Variants in CNTNAP5 observed in about 807,000 individuals in gnomAD.
CNTNAP5 encodes contactin-associated protein-like 5.
Under a neutral mutation model 150.2 loss-of-function variants are expected in CNTNAP5, and 72 were observed. That is an observed-to-expected ratio of 0.48 (90% CI 0.40 to 0.58). The LOEUF (loss-of-function observed/expected upper bound fraction) is 0.58. CNTNAP5 is among the 20% of genes least tolerant of loss of function. The probability of loss-of-function intolerance (pLI) is 0.00; values close to 1 mark genes in which losing one functional copy is unlikely to be tolerated. For missense variants in CNTNAP5, 1,636 were observed against 1,626.2 expected, an observed-to-expected ratio of 1.01 and a Z score of -0.10; for synonymous variants, 672 against 619.8, an observed-to-expected ratio of 1.08 and a Z score of -1.25.
At chr2:124,433,346 G>A (rs2420855) in intron 4 of CNTNAP5, among the ~76,000 whole-genome samples, 15,438 of 152,162 alleles carry the variant, frequency 0.1, 1,281 homozygotes, top group African/African-American at 0.2. Flanking sequence ...ACTTTGTTCC[G>A]TATAAATAAA....
intron 2 of CNTNAP5, among the ~76,000 whole-genome samples, chr2:124,235,388 A>G (rs140715167): frequency 6.6e-6 from 1 of 151,520 alleles, no homozygotes; most frequent in African/African-American, 2.4e-5. Context: ...CAACAAGACC[A>G]CTTTCAACCC....
intron 9 of CNTNAP5, 127 bp from the exon 10 acceptor site, chr2:124,527,158 G>A (rs896648214): frequency 2.9e-6 from 2 of 678,226 alleles, no homozygotes; most frequent in African/African-American, 3.6e-5. Context: ...ATAATGAAAA[G>A]GGTGTGCACT....
In CNTNAP5 at chr2:124,747,290, T is replaced by C; in HGVS notation, c.2139T>C (p.Gly713=). 6.2e-7 allele frequency: 1 copy of C among 1,613,740 alleles called. No homozygotes were observed. The highest frequency in any genetic ancestry group is 8.5e-7 in the Non-Finnish European group (1 of 1,179,764). The stretch of plus-strand genomic sequence containing the variant: ...ATGAAAGGCACCCTTACTGGGGAGG[T>C]TCCCCTCCTGGGGTCCAGCAGTGTG... The part of the protein sequence containing the change: ...RSNERHPYWG[G]SPPGVQQCEC... Residue 713 remains glycine, a synonymous_variant, in exon 14 of 24, where the codon GGT becomes GGC. Transcript: ENST00000682447.
intron 3 of CNTNAP5, among the ~76,000 whole-genome samples, chr2:124,338,991 C>G (rs996199576): frequency 6.6e-6 from 1 of 152,098 alleles, no homozygotes; most frequent in Non-Finnish European, 1.5e-5. Context: ...GTAACATAAT[C>G]TATCTGAGAC....
intron 5 of CNTNAP5, among the ~76,000 whole-genome samples, chr2:124,435,159 CTTT>C (rs1448574109): frequency 2.0e-5 from 3 of 152,106 alleles, no homozygotes; most frequent in African/African-American, 7.2e-5. Context: ...ATTCCCATGT[CTTT>C]TTAAGGGAAA....
At chr2:124,269,627 A>ATCTT (rs1687692393) in intron 3 of CNTNAP5, among the ~76,000 whole-genome samples, 1 of 152,142 alleles carries the variant, frequency 6.6e-6, no homozygotes, top group East Asian at 1.9e-4. Context: ...AGGCCTCTGC[A>ATCTT]GACTGACCCG....
At chr2:124,107,832 G>T (rs1683202540) in intron 1 of CNTNAP5, among the ~76,000 whole-genome samples, 1 of 152,166 alleles carries the variant, frequency 6.6e-6, no homozygotes, top group Admixed American at 6.5e-5. Context: ...GGTACAGCTT[G>T]CTTTTATACA....
intron 18 of CNTNAP5, among the ~76,000 whole-genome samples, chr2:124,793,236 A>G (rs181059473): frequency 6.6e-6 from 1 of 152,196 alleles, no homozygotes; most frequent in African/African-American, 2.4e-5. Flanking sequence ...CTTACTGAAT[A>G]TGAAATGCTA....
intron 12 of CNTNAP5, among the ~76,000 whole-genome samples, chr2:124,614,443 G>A (rs1504022): frequency 0.39 from 59,911 of 152,034 alleles, 12,891 homozygotes; most frequent in Non-Finnish European, 0.49. Context: ...CAGCCCCATC[G>A]GTTGCTGGTT....
intron 19 of CNTNAP5, among the ~76,000 whole-genome samples, chr2:124,838,178 C>T (rs1485229912): frequency 2.0e-5 from 3 of 152,048 alleles, no homozygotes; most frequent in Non-Finnish European, 2.9e-5. Flanking sequence ...ATATTATGTG[C>T]CAGATACTCT....
At chr2:124,193,929 G>T (rs1685515580) in intron 1 of CNTNAP5, among the ~76,000 whole-genome samples, 1 of 152,100 alleles carries the variant, frequency 6.6e-6, no homozygotes, top group African/African-American at 2.4e-5. Context: ...CAAACAAACA[G>T]AAGTGAGACC....
chr2:124,592,407 G>C (rs1008097325), intron 11 of CNTNAP5, among the ~76,000 whole-genome samples: 11 of 150,530 alleles, frequency 7.3e-5, no homozygotes, highest in African/African-American at 2.4e-4. Flanking sequence ...CAAAATAAAA[G>C]GTTAAATGGA....
chr2:124,391,685 C>G (rs901737504), intron 3 of CNTNAP5, among the ~76,000 whole-genome samples: 1 of 152,166 alleles, frequency 6.6e-6, no homozygotes, highest in African/African-American at 2.4e-5. Flanking sequence ...GCCGGGCGTG[C>G]TGGCTCACGC....
At chr2:124,332,386 A>G (rs1310085986) in intron 3 of CNTNAP5, among the ~76,000 whole-genome samples, 1 of 151,264 alleles carries the variant, frequency 6.6e-6, no homozygotes, top group Non-Finnish European at 1.5e-5. Context: ...AATTATTAGC[A>G]ATTGTAAACC....
chr2:124,794,164 G>A (rs977138837), intron 18 of CNTNAP5, among the ~76,000 whole-genome samples: 2 of 152,154 alleles, frequency 1.3e-5, no homozygotes, highest in Non-Finnish European at 2.9e-5. Context: ...ACCTTCTCTT[G>A]TTTAATCCAT....
rs1696186649 is a variant in CNTNAP5 at position 124,572,426 on chromosome 2, A to G, written c.1756+9103A>G. 3.9e-5 allele frequency among the ~76,000 whole-genome samples: 6 copies of G among 152,178 alleles called. No homozygotes were observed. The South Asian group carries it at 1.2e-3, about 32-fold the overall frequency. On this transcript the variant is annotated intron_variant, in intron 11 of 23. Coordinates refer to ENST00000682447, the MANE Select transcript of CNTNAP5 (RefSeq NM_001367498.1). ...AAACCCCCATGACACGTGTTTACCT[A>G]TGGAACAAACCTGCATGTGTACCCC... is the stretch of plus-strand genomic sequence containing the variant.
intron 2 of CNTNAP5, among the ~76,000 whole-genome samples, chr2:124,229,030 G>C (rs1177688967): frequency 6.6e-6 from 1 of 152,072 alleles, no homozygotes; most frequent in Non-Finnish European, 1.5e-5. Context: ...GGCAAACATT[G>C]AACATAAAGG....
intron 3 of CNTNAP5, among the ~76,000 whole-genome samples, chr2:124,257,847 T>A (rs1225717776): frequency 6.6e-6 from 1 of 152,158 alleles, no homozygotes; most frequent in Non-Finnish European, 1.5e-5. Context: ...TGGTCTGGTA[T>A]GGAGTAAACA....
chr2:124,706,795 A>AAGAAGAAGAAGGAGG lies in CNTNAP5; in HGVS notation c.2078-40432_2078-40431insAAGAAGAAGGAGGAG, dbSNP rs1553433527. Among the ~76,000 whole-genome samples, 4 of 18,872 alleles carry AAGAAGAAGAAGGAGG rather than the reference A, an allele frequency of 2.1e-4. 1 individual carries two copies. The highest frequency in any genetic ancestry group is 4.1e-4 in the African/African-American group (2 of 4,924). The allele number at this position is 18,872 out of a possible 152,430, so 12.4% of individuals were successfully genotyped here. On this transcript the variant is annotated intron_variant, in intron 13 of 23. Coordinates refer to ENST00000682447, the MANE Select transcript of CNTNAP5 (RefSeq NM_001367498.1). ...GAAGAAGAAGAAGAAGAAGAAGAAG[A>AAGAAGAAGAAGGAGG]AGGAGGAGGAGGAGGAGGAGGAGGA... is the stretch of plus-strand genomic sequence containing the variant.
Sources: allele counts gnomAD v4.1 joint callset (sites outside exome capture counted in the v4.1 genomes callset), GRCh38; gene constraint gnomAD v4.1.1; transcripts MANE v1.5; gene names NCBI Gene and HGNC (gene_info 2026-07-23, HGNC 2026-07-21).